C7orf25: variants seen among roughly 807,000 people sequenced by gnomAD.
C7orf25 encodes chromosome 7 open reading frame 25.
Under a neutral mutation model 25.5 loss-of-function variants are expected in C7orf25, and 14 were observed. That is an observed-to-expected ratio of 0.55 (90% confidence interval 0.36 to 0.86). The LOEUF (loss-of-function observed/expected upper bound fraction) is 0.86, where lower values mean the gene tolerates loss of function less well. Ranked by LOEUF, C7orf25 falls within the 40% of genes least tolerant of loss-of-function variation. The probability of loss-of-function intolerance (pLI) is 0.01; values close to 1 mark genes in which losing one functional copy is unlikely to be tolerated. For synonymous variants in C7orf25, 184 were observed against 179.9 expected (o/e 1.02, Z -0.18); for missense variants, 405 against 493.9 (o/e 0.82, Z 1.71).
intron 1 of C7orf25, chr7:42,911,624 G>A: frequency 1.9e-6 from 2 of 1,075,676 alleles, no homozygotes; most frequent in Non-Finnish European, 2.2e-6. Flanking sequence ...AACCCGCGGC[G>A]GCCGTGCAAG....
Position 42,909,601 on chromosome 7 carries a change from AACTT to A in C7orf25, c.*30_*33del. 6.4e-7 allele frequency: 1 copy of A among 1,571,542 alleles called. No homozygotes were observed. The highest frequency in any genetic ancestry group is 8.6e-7 in the Non-Finnish European group (1 of 1,161,456). ...GGAAGACCCAGCCTTTGGTATAAAT[AACTT>A]ACTTCCACAAAAATATTTAAAGGGT... On this transcript the variant is annotated 3_prime_UTR_variant, in exon 2 of 2. Coordinates refer to ENST00000350427, the MANE Select transcript of C7orf25 (RefSeq NM_001099858.2).
At position 42,909,675 on chromosome 7, in the gene C7orf25, G is replaced by A; in HGVS notation, c.1226C>T (p.Thr409Ile). ...AGTTGTGTAGTCTTTTGGTAAGGGG[G>A]TGGCTAGAGCCTCTTTACTCTCAGT... ...ALTESKEALA[T>I]PLPKDYTTDS... Residue 409 changes from threonine (T) to isoleucine (I), a missense_variant, in exon 2 of 2, where the codon ACC (threonine) becomes ATC (isoleucine). By Grantham distance (89) the Thr-to-Ile change is moderately conservative (BLOSUM62 -1). Transcript: ENST00000350427. 1 of 1,613,996 alleles carries A rather than the reference G, an allele frequency of 6.2e-7. No individual in the cohort carries two copies. The highest frequency in any genetic ancestry group is 8.5e-7 in the Non-Finnish European group (1 of 1,179,964).
chr7:42,911,943 A>ACGAGCT lies in C7orf25; in HGVS notation c.-51_-50insAGCTCG, dbSNP rs1409967720. ...CAGCGCCAGAACCGCGAGCGCGAGCACGCAGGCGCGTGCACGCAGAGGCCG... is the reference window on the plus strand; with the variant it reads ...CAGCGCCAGAACCGCGAGCGCGAGCACGAGCTCGCAGGCGCGTGCACGCAGAGGCCG... On this transcript the variant is annotated 5_prime_UTR_variant, in exon 1 of 2. Transcript: ENST00000350427. The ACGAGCT allele has an allele frequency of 6.7e-7, 1 of 1,485,332 alleles. No individual in the cohort carries two copies. Among genetic ancestry groups the ACGAGCT allele is most frequent in the Non-Finnish European group, 8.9e-7 (1 of 1,125,554 alleles). 92.0% of individuals were successfully genotyped at this position (1,485,332 alleles called of 1,614,324 possible). A position where few individuals can be genotyped will look rare whatever the true frequency, so the allele number is the denominator to read the frequency against.
chr7:42,909,763 C>G lies in C7orf25; in HGVS notation c.1138G>C (p.Val380Leu). 1.2e-6 allele frequency: 2 copies of G among 1,614,218 alleles called. No individual in the cohort carries two copies. Among genetic ancestry groups the G allele is most frequent in the Non-Finnish European group, 1.7e-6 (2 of 1,180,042 alleles). The change falls in exon 2 of 2, where the codon GTC becomes CTC. Residue 380 changes from valine (V) to leucine (L), a missense_variant. Physicochemically the swap from Val to Leu is conservative, Grantham distance 32. Transcript: ENST00000350427. ...ACACCCTGGTTGTTTGCAGCTCTGA[C>G]AAAACCACTATTAGCAGTCATTGTG... is the stretch of plus-strand genomic sequence containing the variant. Reference protein sequence around the residue: ...AITMTANSGFVRAANNQGVKF... With the variant: ...AITMTANSGFLRAANNQGVKF...
chr7:42,910,715 A>G lies in C7orf25; in HGVS notation c.186T>C (p.Ser62=), dbSNP rs778340201. The G allele has an allele frequency of 5.0e-6, 8 of 1,614,036 alleles. No individual in the cohort carries two copies. The highest frequency in any genetic ancestry group is 1.7e-5 in the Admixed American group (1 of 60,008). The part of the protein sequence containing the change: ...VEAGKVAIKE[S]HLQSTNLTHL... ...GTGTTAGGTTAGTGCTCTGTAAATG[A>G]GACTCTTTAATAGCTACTTTCCCAG... is the stretch of plus-strand genomic sequence containing the variant. Residue 62 remains serine (S), a synonymous_variant, in exon 2 of 2, where the codon TCT becomes TCC. Coordinates refer to ENST00000350427, the MANE Select transcript of C7orf25 (RefSeq NM_001099858.2).
chr7:42,910,516 T>G lies in C7orf25; in HGVS notation c.385A>C (p.Asn129His), dbSNP rs1785865027. 2 of 1,614,126 alleles carry G rather than the reference T, an allele frequency of 1.2e-6. No homozygotes were observed. Among genetic ancestry groups the G allele is most frequent in the South Asian group, 2.2e-5 (2 of 91,088 alleles). Residue 129 changes from asparagine (N) to histidine (H), a missense_variant, in exon 2 of 2, where the codon AAC becomes CAC. Physicochemically the swap from Asn to His is moderately conservative, Grantham distance 68 (BLOSUM62 1). Transcript: ENST00000350427. ...AIGRKAEALH[N>H]IWLGRGQYGD... ...TATTGGCCCCTGCCCAGCCAGATGT[T>G]ATGAAGAGCTTCAGCCTTCCGGCCA...
At position 42,910,520 on chromosome 7, in the gene C7orf25, A is replaced by AAGAGCTTCAGC; in HGVS notation, c.370_380dup (p.His128LeufsTer58). ...GGCCCCTGCCCAGCCAGATGTTATG[A>AAGAGCTTCAGC]AGAGCTTCAGCCTTCCGGCCAATGG... On this transcript the variant is annotated frameshift_variant, in exon 2 of 2. Transcript: ENST00000350427. LOFTEE classifies it high-confidence loss of function. 6.2e-7 allele frequency: 1 copy of AAGAGCTTCAGC among 1,614,238 alleles called. No homozygotes were observed. Among genetic ancestry groups the AAGAGCTTCAGC allele is most frequent in the Non-Finnish European group, 8.5e-7 (1 of 1,180,046 alleles).
intron 1 of C7orf25, chr7:42,911,143 C>T: frequency 1.2e-6 from 1 of 809,226 alleles, no homozygotes; most frequent in South Asian, 1.4e-5. Context: ...GTCTGACACA[C>T]TTTAGACCTT....
Position 42,909,594 on chromosome 7 carries a change from T to C in C7orf25, c.*41A>G, listed in dbSNP as rs1785831235. Reference sequence around the variant, plus strand: ...TTAGATGGGAAGACCCAGCCTTTGGTATAAATAACTTACTTCCACAAAAAT... The same window carrying C: ...TTAGATGGGAAGACCCAGCCTTTGGCATAAATAACTTACTTCCACAAAAAT... On this transcript the variant is annotated 3_prime_UTR_variant, in exon 2 of 2. Transcript: ENST00000350427. 4.5e-6 allele frequency: 7 copies of C among 1,561,412 alleles called. No individual in the cohort carries two copies. The highest frequency in any genetic ancestry group is 3.7e-5 in the South Asian group (3 of 81,172).
rs774151644 is a variant in C7orf25, at chr7:42,912,033, C to G, written c.-140G>C. 2.0e-6 allele frequency: 3 copies of G among 1,472,006 alleles called. No individual in the cohort carries two copies. Among genetic ancestry groups the G allele is most frequent in the Non-Finnish European group, 2.7e-6 (3 of 1,119,914 alleles). 91.2% of individuals were successfully genotyped at this position (1,472,006 alleles called of 1,614,324 possible). ...GCTCGAACGCCGAGGCGGCTCCACC[C>G]GCGCGAGCCCCGCCGCCTCGGGCAC... On this transcript the variant is annotated 5_prime_UTR_variant, in exon 1 of 2. Coordinates refer to ENST00000350427, the MANE Select transcript of C7orf25 (RefSeq NM_001099858.2).
In C7orf25 at chr7:42,910,246, G is replaced by A. The variant is rs372947878; in HGVS notation, c.655C>T (p.Leu219Phe). Residue 219 changes from leucine (L) to phenylalanine (F), a missense_variant, in exon 2 of 2, where the codon CTT becomes TTT. By Grantham distance (22) the Leu-to-Phe change is conservative. Coordinates refer to ENST00000350427, the MANE Select transcript of C7orf25 (RefSeq NM_001099858.2). Reference sequence around the variant, plus strand: ...CGGTCAACTCTGGTCACCTGCAAAAGTTCAGGGCCCTCATCATCTGATTCA... The same window carrying A: ...CGGTCAACTCTGGTCACCTGCAAAAATTCAGGGCCCTCATCATCTGATTCA... Reference protein sequence around the residue: ...ESESDDEGPELLQVTRVDREN... With the variant: ...ESESDDEGPEFLQVTRVDREN... 6.2e-7 allele frequency: 1 copy of A among 1,614,208 alleles called. No homozygotes were observed. The highest frequency in any genetic ancestry group is 8.5e-7 in the Non-Finnish European group (1 of 1,180,042).
chr7:42,910,216 T>C lies in C7orf25; in HGVS notation c.685A>G (p.Asn229Asp), dbSNP rs765343870. Residue 229 changes from asparagine to aspartate, a missense_variant, in exon 2 of 2, where the codon AAT becomes GAT. Asn to Asp is a conservative substitution (Grantham distance 23, BLOSUM62 1). Coordinates refer to ENST00000350427, the MANE Select transcript of C7orf25 (RefSeq NM_001099858.2). The stretch of plus-strand genomic sequence containing the variant: ...GGAAACGCAACACTTGCTAGTATAT[T>C]TTCTCGGTCAACTCTGGTCACCTGC... Reference protein sequence around the residue: ...LLQVTRVDRENILASVAFPTE... With the variant: ...LLQVTRVDREDILASVAFPTE... The C allele has an allele frequency of 1.2e-6, 2 of 1,614,198 alleles. No individual in the cohort carries two copies. Among genetic ancestry groups the C allele is most frequent in the East Asian group, 4.5e-5 (2 of 44,890 alleles).
Position 42,910,364 on chromosome 7 carries a change from C to T in C7orf25, c.537G>A (p.Glu179=). The change falls in exon 2 of 2, where the codon GAG becomes GAA. Residue 179 remains glutamate, a synonymous_variant. Coordinates refer to ENST00000350427, the MANE Select transcript of C7orf25 (RefSeq NM_001099858.2). ...CAGATATGCCCATTTCTTTCAGCTT[C>T]TCTGCCATGGGGCTGGAGACACTGT... ...FYNSVSSPMA[E]KLKEMGISVR... 12 of 1,614,224 alleles carry T rather than the reference C, an allele frequency of 7.4e-6. No individual in the cohort carries two copies. Among genetic ancestry groups the T allele is most frequent in the Middle Eastern group, 1.6e-4 (1 of 6,062 alleles).
In C7orf25 at chr7:42,910,891, G is replaced by A. The variant is rs1406145238; in HGVS notation, c.10C>T (p.His4Tyr). The change falls in exon 2 of 2, where the codon CAT (histidine) becomes TAT (tyrosine). Residue 4 changes from histidine to tyrosine, a missense_variant. Physicochemically the swap from His to Tyr is moderately conservative, Grantham distance 83. Coordinates refer to ENST00000350427, the MANE Select transcript of C7orf25 (RefSeq NM_001099858.2). ...GCGATTCGTTCACAGAGCATGGAAT[G>A]TGCAGACATGCTGTCAGCATTATTC... MSAHSMLCERIAIA... is the reference protein window; with the variant it reads MSAYSMLCERIAIA... 1.2e-6 allele frequency: 2 copies of A among 1,613,428 alleles called. No homozygotes were observed. Among genetic ancestry groups the A allele is most frequent in the East Asian group, 4.5e-5 (2 of 44,900 alleles).
rs1026927079 is a variant in C7orf25, at chr7:42,909,516, T to C, written c.*119A>G. 3 of 1,037,120 alleles carry C rather than the reference T, an allele frequency of 2.9e-6. No homozygotes were observed. In the African/African-American group the frequency reaches 4.9e-5, roughly 17 times the overall value. The allele number at this position is 1,037,120 out of a possible 1,614,324, so 64.2% of individuals were successfully genotyped here. On this transcript the variant is annotated 3_prime_UTR_variant, in exon 2 of 2. Coordinates refer to ENST00000350427, the MANE Select transcript of C7orf25 (RefSeq NM_001099858.2). ...TAGATGAGAGACAAAGAAACTCTAC[T>C]GGTTTAAGAGTTCTCAGTTTTACTT...
rs1341380139 is a variant in C7orf25, at chr7:42,909,890, TACC to T, written c.1008_1010del (p.Val337del). The T allele has an allele frequency of 1.9e-6, 3 of 1,614,234 alleles. No homozygotes were observed. The highest frequency in any genetic ancestry group is 2.7e-5 in the African/African-American group (2 of 75,064). On this transcript the variant is annotated inframe_deletion, in exon 2 of 2. Transcript: ENST00000350427. Reference sequence around the variant, plus strand: ...AGGCACGCTCAGAAGGCTGGTCTGGTACCACATTAATTCGCTTAATTAACACAG... The same window carrying T: ...AGGCACGCTCAGAAGGCTGGTCTGGTACATTAATTCGCTTAATTAACACAG...
In C7orf25 at chr7:42,911,942, C is replaced by G. The variant is rs1311742233; in HGVS notation, c.-49G>C. Reference sequence around the variant, plus strand: ...GCAGCGCCAGAACCGCGAGCGCGAGCACGCAGGCGCGTGCACGCAGAGGCC... The same window carrying G: ...GCAGCGCCAGAACCGCGAGCGCGAGGACGCAGGCGCGTGCACGCAGAGGCC... On this transcript the variant is annotated 5_prime_UTR_variant, in exon 1 of 2. Transcript: ENST00000350427. 1 of 1,482,256 alleles carries G rather than the reference C, an allele frequency of 6.7e-7. No individual in the cohort carries two copies. Among genetic ancestry groups the G allele is most frequent in the Non-Finnish European group, 8.9e-7 (1 of 1,123,986 alleles). The allele number at this position is 1,482,256 out of a possible 1,614,324, so 91.8% of individuals were successfully genotyped here.
Position 42,909,498 on chromosome 7 carries a change from G to C in C7orf25, c.*137C>G. On this transcript the variant is annotated 3_prime_UTR_variant, in exon 2 of 2. Coordinates refer to ENST00000350427, the MANE Select transcript of C7orf25 (RefSeq NM_001099858.2). ...TTGGGAGGTTATATACTTTAGATGA[G>C]AGACAAAGAAACTCTACTGGTTTAA... 1.1e-6 allele frequency: 1 copy of C among 882,748 alleles called. No individual in the cohort carries two copies. Among genetic ancestry groups the C allele is most frequent in the East Asian group, 2.7e-5 (1 of 37,668 alleles). The allele number at this position is 882,748 out of a possible 1,614,324, so 54.7% of individuals were successfully genotyped here.
At position 42,910,007 on chromosome 7, in the gene C7orf25, G is replaced by A. The variant is rs577572995; in HGVS notation, c.894C>T (p.Asp298=). The A allele has an allele frequency of 3.1e-6, 5 of 1,614,104 alleles. No homozygotes were observed. The South Asian group carries it at 5.5e-5, about 18-fold the overall frequency. The change falls in exon 2 of 2, where the codon GAC becomes GAT. Residue 298 remains aspartate, a synonymous_variant. Transcript: ENST00000350427. ...CAGATTCACAAGCAAACAACTCCTT[G>A]TCCTTCATAAAGGCCTCCAGCTGAG... ...VLPQLEAFMK[D]KELFACESAV... is the part of the protein sequence containing the mutation.
Sources: gnomAD v4.1 joint callset for allele counts on GRCh38, gnomAD v4.1.1 for gene constraint, MANE v1.5 for transcripts, NCBI Gene and HGNC (gene_info 2026-07-23, HGNC 2026-07-21) for gene names.